The following IPO13 variants were observed in gnomAD, a reference collection of about 807,000 sequenced individuals.
The protein encoded by IPO13 is importin-13.
Under a neutral mutation model 115.5 loss-of-function variants are expected in IPO13, and 28 were observed. That is an observed-to-expected ratio of 0.24 (90% CI 0.18 to 0.33). IPO13 has a LOEUF of 0.33. Ranked by LOEUF, IPO13 falls within the 10% of genes least tolerant of loss-of-function variation. The pLI, the probability that IPO13 is intolerant of heterozygous loss-of-function variation, is 1.00. For synonymous variants in IPO13, 414 were observed against 478.9 expected (o/e 0.86, Z 1.77); for missense variants, 785 against 1,204.6 (o/e 0.65, Z 5.16).
chr1:43,947,623 C>T lies in IPO13; in HGVS notation c.23C>T (p.Pro8Leu). ...AAGATGGAGCGGCGGGAGGAGCAGC[C>T]GGGGGCTGCAGGGGCTGGAGCAGCA... Reference protein sequence around the residue: MERREEQPGAAGAGAAPA... With the variant: MERREEQLGAAGAGAAPA... Residue 8 changes from proline to leucine, a missense_variant, in exon 1 of 20, where the codon CCG becomes CTG. Around this residue, in one of 3 missense-constraint regions of IPO13, gnomAD observed 325 missense variants for 449.8 expected, o/e 0.72. Transcript: ENST00000372343. The T allele has an allele frequency of 7.5e-7, 1 of 1,327,372 alleles. No individual in the cohort carries two copies. The highest frequency in any genetic ancestry group is 3.1e-5 in the East Asian group (1 of 32,598). 82.2% of individuals were successfully genotyped at this position (1,327,372 alleles called of 1,614,324 possible).
chr1:43,957,688 C>T lies in IPO13; in HGVS notation c.1540+139C>T, dbSNP rs1238469366. 5.4e-6 allele frequency: 6 copies of T among 1,115,302 alleles called. No homozygotes were observed. In the South Asian group the frequency reaches 6.0e-5, roughly 11 times the overall value. The allele number at this position is 1,115,302 out of a possible 1,614,324, so 69.1% of individuals were successfully genotyped here. The stretch of plus-strand genomic sequence containing the variant: ...ATCAGTGTTGTAACAAACTGACTGT[C>T]CTGGCAGGTCTAGGGGGTCCATCTG... On this transcript the variant is annotated intron_variant, in intron 7 of 19. Coordinates refer to ENST00000372343, the MANE Select transcript of IPO13 (RefSeq NM_014652.4).
intron 2 of IPO13, among the ~76,000 whole-genome samples, chr1:43,950,393 A>G (rs1001196506): frequency 4.6e-5 from 7 of 151,832 alleles, no homozygotes; most frequent in Non-Finnish European, 8.8e-5. Flanking sequence ...CCTTCTCTCA[A>G]CTAGTCACCA....
rs747728072 is a variant in IPO13 at position 43,958,235 on chromosome 1, C to T, written c.1723-7C>T. 1.9e-6 allele frequency: 3 copies of T among 1,614,212 alleles called. No homozygotes were observed. Among genetic ancestry groups the T allele is most frequent in the Non-Finnish European group, 1.7e-6 (2 of 1,180,030 alleles). On this transcript the variant is annotated splice_polypyrimidine_tract_variant and splice_region_variant and intron_variant, in intron 8 of 19. Coordinates refer to ENST00000372343, the MANE Select transcript of IPO13 (RefSeq NM_014652.4). This position sits in a 1 kb window ranked among gnomAD's most constrained non-coding sequence, Gnocchi z 6.3. ...GCTGATACTACATTCCTTCTTTCTC[C>T]CCTCAGGATGTGCTGATGAAACAGA...
intron 11 of IPO13, 100 bp from the exon 12 acceptor site, chr1:43,960,149 A>G (rs910281449): frequency 9.5e-7 from 1 of 1,052,034 alleles, no homozygotes; most frequent in Non-Finnish European, 1.5e-6. Context: ...TTCTGGGGTA[A>G]TAGGTCTGAA....
Position 43,958,035 on chromosome 1 carries a change from G to A in IPO13, c.1599G>A (p.Leu533=). The A allele has an allele frequency of 1.2e-6, 2 of 1,614,140 alleles. No individual in the cohort carries two copies. The highest frequency in any genetic ancestry group is 1.7e-6 in the Non-Finnish European group (2 of 1,180,014). ...HPVMINSVLP[L]VLHALGNPEL... ...TCATGATCAACAGTGTTCTGCCCTT[G>A]GTACTGCATGCCCTAGGCAATCCTG... Residue 533 remains leucine (L), a synonymous_variant, in exon 8 of 20, where the codon TTG becomes TTA. Coordinates refer to ENST00000372343, the MANE Select transcript of IPO13 (RefSeq NM_014652.4). This position sits in a 1 kb window ranked among gnomAD's most constrained non-coding sequence, Gnocchi z 6.3.
At position 43,960,877 on chromosome 1, in the gene IPO13, C is replaced by T. The variant is rs769427636; in HGVS notation, c.2111C>T (p.Ala704Val). 7.4e-6 allele frequency: 12 copies of T among 1,613,964 alleles called. No individual in the cohort carries two copies. The highest frequency in any genetic ancestry group is 3.3e-5 in the Admixed American group (2 of 59,996). The change falls in exon 13 of 20, where the codon GCG becomes GTG. Residue 704 changes from alanine to valine, a missense_variant and splice_region_variant. Physicochemically the swap from Ala to Val is moderately conservative, Grantham distance 64 (BLOSUM62 0). Transcript: ENST00000372343. Reference protein sequence around the residue: ...KWLNDAQVVEAVCAIFEKSVK... With the variant: ...KWLNDAQVVEVVCAIFEKSVK... The stretch of plus-strand genomic sequence containing the variant: ...GGGCCCCTTTGCTTTCTTCCCAAGG[C>T]GGTGTGCGCTATCTTTGAGAAGTCT...
chr1:43,958,396 T>C lies in IPO13; in HGVS notation c.1750-65T>C. On this transcript the variant is annotated intron_variant, in intron 9 of 19. Transcript: ENST00000372343. The surrounding 1 kb of genome is among the most constrained non-coding windows in gnomAD (Gnocchi z 6.3). ...CTCTGTTTTTCTTCTCCCAAGAGGCTCATTTTCCTTCCTACCCCACAACTA... is the reference window on the plus strand; with the variant it reads ...CTCTGTTTTTCTTCTCCCAAGAGGCCCATTTTCCTTCCTACCCCACAACTA... The C allele has an allele frequency of 6.2e-7, 1 of 1,611,660 alleles. No individual in the cohort carries two copies. Among genetic ancestry groups the C allele is most frequent in the Non-Finnish European group, 8.5e-7 (1 of 1,178,654 alleles).
intron 1 of IPO13, among the ~76,000 whole-genome samples, chr1:43,948,599 A>G (rs1391404297): frequency 6.6e-6 from 1 of 152,148 alleles, no homozygotes; most frequent in African/African-American, 2.4e-5. Flanking sequence ...GCTTACTTGG[A>G]TGGAGCCTGC....
chr1:43,957,096 T>C, intron 5 of IPO13, 99 bp from the exon 6 acceptor site: 1 of 1,565,814 alleles, frequency 6.4e-7, no homozygotes, highest in South Asian at 1.2e-5. Flanking sequence ...CTAGGTATTG[T>C]TGCAGAGTTG....
Position 43,947,533 on chromosome 1 carries a change from G to T in IPO13, c.-68G>T, listed in dbSNP as rs564218664. 3 of 944,414 alleles carry T rather than the reference G, an allele frequency of 3.2e-6. No homozygotes were observed. The highest frequency in any genetic ancestry group is 8.9e-5 in the South Asian group (2 of 22,384). The allele number at this position is 944,414 out of a possible 1,614,324, so 58.5% of individuals were successfully genotyped here. A position where few individuals can be genotyped will look rare whatever the true frequency, so the allele number is the denominator to read the frequency against. On this transcript the variant is annotated 5_prime_UTR_variant, in exon 1 of 20. Transcript: ENST00000372343. The stretch of plus-strand genomic sequence containing the variant: ...CACCCAAGCCGGGGTCTAGCAGGGG[G>T]CCAGCAGCCAAGGGGCTGGGGCAGG...
In IPO13 at chr1:43,967,536, G is replaced by C. The variant is rs187991774; in HGVS notation, c.2795+40G>C. On this transcript the variant is annotated intron_variant, in intron 19 of 19. Coordinates refer to ENST00000372343, the MANE Select transcript of IPO13 (RefSeq NM_014652.4). This position sits in a 1 kb window ranked among gnomAD's most constrained non-coding sequence, Gnocchi z 6.1. The stretch of plus-strand genomic sequence containing the variant: ...GGTGGGCCTGGGGTCAGGCAGAGAG[G>C]GGGCAGTGGTGGTGGCTGGTGCTAA... The C allele has an allele frequency of 5.5e-4, 886 of 1,614,126 alleles. 5 individuals carry two copies. The African/African-American group carries it at 0.01, about 18-fold the overall frequency.
chr1:43,957,182 A>G lies in IPO13; in HGVS notation c.1272-13A>G, dbSNP rs369292816. 40 of 1,612,552 alleles carry G rather than the reference A, an allele frequency of 2.5e-5. No homozygotes were observed. The highest frequency in any genetic ancestry group is 3.0e-5 in the Non-Finnish European group (35 of 1,178,948). On this transcript the variant is annotated splice_polypyrimidine_tract_variant and intron_variant, in intron 5 of 19. Transcript: ENST00000372343. ...GATCCAGGCAGTATAAAAGGCCTTC[A>G]TCTGCTTCTCAGGGTGGACATCTCA...
rs915016491 is a variant in IPO13 at position 43,952,818 on chromosome 1, T to C, written c.821+2665T>C. On this transcript the variant is annotated intron_variant, in intron 2 of 19. Coordinates refer to ENST00000372343, the MANE Select transcript of IPO13 (RefSeq NM_014652.4). The surrounding 1 kb of genome is among the most constrained non-coding windows in gnomAD (Gnocchi z 4.7). ...CTTTTAGCATGGTTCCTATATACTC[T>C]GTAAACGGCAGTTGCCAGTATTTGG... Among the ~76,000 whole-genome samples, 2 of 152,258 alleles carry C rather than the reference T, an allele frequency of 1.3e-5. No homozygotes were observed. Among genetic ancestry groups the C allele is most frequent in the Non-Finnish European group, 2.9e-5 (2 of 68,050 alleles).
chr1:43,947,567 C>G lies in IPO13; in HGVS notation c.-34C>G. On this transcript the variant is annotated 5_prime_UTR_variant, in exon 1 of 20. In the 5' UTR this introduces an upstream ATG that the reference lacks. Transcript: ENST00000372343. ...CAAGGGGCTGGGGCAGGAGACAGAT[C>G]AGGGCCCACCTCCCTGCCAGGGAGG... 8.2e-7 allele frequency: 1 copy of G among 1,217,430 alleles called. No homozygotes were observed. The highest frequency in any genetic ancestry group is 1.1e-6 in the Non-Finnish European group (1 of 947,838). 75.4% of individuals were successfully genotyped at this position (1,217,430 alleles called of 1,614,324 possible). A position where few individuals can be genotyped will look rare whatever the true frequency, so the allele number is the denominator to read the frequency against.
At position 43,958,329 on chromosome 1, in the gene IPO13, A is replaced by G; in HGVS notation, c.1749+61A>G. 6.2e-7 allele frequency: 1 copy of G among 1,612,022 alleles called. No individual in the cohort carries two copies. Reference sequence around the variant, plus strand: ...GTCTTGTGGGAATCACTTATCCCTGAAATCCTGTTTTTTGGCCTTCCCCTT... The same window carrying G: ...GTCTTGTGGGAATCACTTATCCCTGGAATCCTGTTTTTTGGCCTTCCCCTT... On this transcript the variant is annotated intron_variant, in intron 9 of 19. Coordinates refer to ENST00000372343, the MANE Select transcript of IPO13 (RefSeq NM_014652.4). This position sits in a 1 kb window ranked among gnomAD's most constrained non-coding sequence, Gnocchi z 6.3.
intron 7 of IPO13, 95 bp from the exon 8 acceptor site, chr1:43,957,882 C>T (rs2085262086): frequency 8.1e-7 from 1 of 1,231,250 alleles, no homozygotes; most frequent in Non-Finnish European, 1.2e-6. Context: ...GGGGCTGCAA[C>T]TTGACCCTGC....
chr1:43,967,309 C>T lies in IPO13; in HGVS notation c.2614-6C>T. ...CCCTGGTGTGCTGAGAACCCCTCTC[C>T]CTCAGGCCATTGGGGGCCAGGCCTC... On this transcript the variant is annotated splice_region_variant and splice_polypyrimidine_tract_variant and intron_variant, in intron 18 of 19. Coordinates refer to ENST00000372343, the MANE Select transcript of IPO13 (RefSeq NM_014652.4). This position sits in a 1 kb window ranked among gnomAD's most constrained non-coding sequence, Gnocchi z 6.1. The T allele has an allele frequency of 6.2e-7, 1 of 1,611,940 alleles. No homozygotes were observed. The highest frequency in any genetic ancestry group is 1.1e-5 in the South Asian group (1 of 91,034).
intron 15 of IPO13, chr1:43,965,981 C>T (rs2085322159): frequency 5.9e-6 from 1 of 169,092 alleles, no homozygotes; most frequent in African/African-American, 2.4e-5. Context: ...AGCACTGGCT[C>T]CTTGGTGTGT....
chr1:43,953,219 A>C (rs2154302129), intron 2 of IPO13: 1 of 152,318 alleles, frequency 6.6e-6, no homozygotes. Context: ...TCCTGAAGCA[A>C]AGCTCTAATT....
Sources: allele counts gnomAD v4.1 joint callset (sites outside exome capture counted in the v4.1 genomes callset), GRCh38; gene constraint gnomAD v4.1.1; regional missense constraint gnomAD v4.1.1; non-coding constraint Gnocchi (gnomAD v3.1); transcripts MANE v1.5; gene names NCBI Gene and HGNC (gene_info 2026-07-23, HGNC 2026-07-21).